Variants in COL6A6 observed in about 807,000 individuals in gnomAD.
The protein encoded by COL6A6 is collagen alpha-6(VI) chain.
Under a neutral mutation model 208.6 loss-of-function variants are expected in COL6A6, and 183 were observed. The ratio of observed to expected loss-of-function variants is 0.88; its 90% CI spans 0.78 to 0.99. The LOEUF is 0.99. COL6A6 is among the 50% of genes least tolerant of loss of function. The pLI, the probability that COL6A6 is intolerant of heterozygous loss-of-function variation, is 0.00. For synonymous variants in COL6A6, 973 were observed against 1,011.8 expected, an observed-to-expected ratio of 0.96 and a Z score of 0.73; for missense variants, 2,816 against 2,815.2, an observed-to-expected ratio of 1.00 and a Z score of -0.01.
chr3:130,639,879 A>T (rs900910593), intron 28 of COL6A6, among the ~76,000 whole-genome samples: 2 of 152,080 alleles, frequency 1.3e-5, no homozygotes, highest in Non-Finnish European at 2.9e-5. Context: ...ACAGTTTCCT[A>T]CCTGGAGAGT....
rs779515324 is a variant in COL6A6 at position 130,568,610 on chromosome 3, C to T, written c.2401+6C>T. Reference sequence around the variant, plus strand: ...AATATGCAGCCCCCGTGAAGGTAGGCATGGGCATACTCACTAGCAGGACTA... The same window carrying T: ...AATATGCAGCCCCCGTGAAGGTAGGTATGGGCATACTCACTAGCAGGACTA... On this transcript the variant is annotated splice_donor_region_variant and intron_variant, in intron 6 of 36. Coordinates refer to ENST00000358511, the MANE Select transcript of COL6A6 (RefSeq NM_001102608.3). The T allele has an allele frequency of 6.3e-7, 1 of 1,588,194 alleles. No individual in the cohort carries two copies. Among genetic ancestry groups the T allele is most frequent in the Admixed American group, 1.7e-5 (1 of 59,210 alleles).
rs1403090279 is a variant in COL6A6, at chr3:130,662,079, G to A, written c.6273G>A (p.Gly2091=). Residue 2091 remains glycine (G), a synonymous_variant, in exon 35 of 37, where the codon GGG becomes GGA. Transcript: ENST00000358511. ...AAGTCATATTTGTGATATCTGCTGG[G>A]GAAACCAGCCACTTAGATGGGGAAA... ...RNKVIFVISA[G]ETSHLDGEIL... 1 of 1,613,994 alleles carries A rather than the reference G, an allele frequency of 6.2e-7. No homozygotes were observed. Among genetic ancestry groups the A allele is most frequent in the Non-Finnish European group, 8.5e-7 (1 of 1,179,884 alleles).
intron 27 of COL6A6, 31 bp from the exon 28 acceptor site, chr3:130,635,668 A>G (rs2065091441): frequency 6.9e-7 from 1 of 1,440,158 alleles, no homozygotes; most frequent in Admixed American, 1.8e-5. Flanking sequence ...TTTGATTTTA[A>G]TAACTATTTT....
chr3:130,645,299 A>G (rs2065435075), intron 32 of COL6A6, among the ~76,000 whole-genome samples: 1 of 152,156 alleles, frequency 6.6e-6, no homozygotes, highest in Non-Finnish European at 1.5e-5. Context: ...GGTTTTAAAA[A>G]TATGTTGGGG....
At chr3:130,640,607 T>C (rs1359650549) in intron 28 of COL6A6, among the ~76,000 whole-genome samples, 2 of 152,248 alleles carry the variant, frequency 1.3e-5, no homozygotes, top group Non-Finnish European at 2.9e-5. Context: ...TTAAACTTCA[T>C]TTTTTATTCC....
intron 24 of COL6A6, among the ~76,000 whole-genome samples, chr3:130,623,671 A>G (rs2059663472): frequency 6.6e-6 from 1 of 152,192 alleles, no homozygotes; most frequent in Non-Finnish European, 1.5e-5. Context: ...TAACCCTATC[A>G]CAGACATAGG....
At chr3:130,580,441 A>C (rs1015475100) in intron 8 of COL6A6, among the ~76,000 whole-genome samples, 1 of 150,232 alleles carries the variant, frequency 6.7e-6, no homozygotes, top group African/African-American at 2.5e-5. Context: ...TTAAAAATCA[A>C]GTTGCCAACA....
intron 26 of COL6A6, among the ~76,000 whole-genome samples, chr3:130,634,211 A>AAAT (rs1254975861): frequency 3.4e-5 from 4 of 116,744 alleles, no homozygotes; most frequent in Admixed American, 2.6e-4. Context: ...TTAAAAAAAA[A>AAAT]AATAAATAAA....
chr3:130,572,701 A>G (rs990527565), intron 7 of COL6A6, among the ~76,000 whole-genome samples: 4 of 152,234 alleles, frequency 2.6e-5, no homozygotes, highest in African/African-American at 9.6e-5. Flanking sequence ...GGACAGAAAA[A>G]CAGTACTAGA....
intron 7 of COL6A6, among the ~76,000 whole-genome samples, chr3:130,571,630 A>G (rs1032951326): frequency 1.3e-5 from 2 of 151,760 alleles, no homozygotes; most frequent in Non-Finnish European, 2.9e-5. Flanking sequence ...TTCTTCCTAA[A>G]CTCTTCTAAT....
At chr3:130,650,577 T>C (rs1268036235) in intron 33 of COL6A6, among the ~76,000 whole-genome samples, 3 of 148,454 alleles carry the variant, frequency 2.0e-5, no homozygotes, top group African/African-American at 7.5e-5. Flanking sequence ...GCCATTGCAC[T>C]CCAGCCTGGG....
intron 20 of COL6A6, among the ~76,000 whole-genome samples, chr3:130,605,929 A>G (rs2064170211): frequency 6.6e-6 from 1 of 152,230 alleles, no homozygotes; most frequent in Admixed American, 6.5e-5. Context: ...CTTCCATGAG[A>G]ACAGTATGAG....
intron 23 of COL6A6, among the ~76,000 whole-genome samples, chr3:130,621,270 A>G (rs892991943): frequency 2.0e-5 from 3 of 152,158 alleles, no homozygotes; most frequent in Non-Finnish European, 2.9e-5. Context: ...GAATTTATTT[A>G]CATTTACTTT....
At chr3:130,544,917 T>A (rs2062456121) in intron 1 of COL6A6, among the ~76,000 whole-genome samples, 1 of 152,206 alleles carries the variant, frequency 6.6e-6, no homozygotes, top group Non-Finnish European at 1.5e-5. Context: ...AAATATTAAC[T>A]CCTTATTAGA....
At chr3:130,638,485 G>A (rs999074329) in intron 28 of COL6A6, among the ~76,000 whole-genome samples, 3 of 152,116 alleles carry the variant, frequency 2.0e-5, no homozygotes, top group African/African-American at 7.2e-5. Context: ...TACTGCAATT[G>A]TCCTTCACCT....
chr3:130,619,655 T>TTAGGCAGGA, intron 23 of COL6A6, among the ~76,000 whole-genome samples: 1 of 152,208 alleles, frequency 6.6e-6, no homozygotes, highest in East Asian at 1.9e-4. Context: ...AGCCAAGAAT[T>TTAGGCAGGA]TAGGCAGGAT....
At chr3:130,656,216 T>C (rs1378273884) in intron 33 of COL6A6, among the ~76,000 whole-genome samples, 1 of 152,258 alleles carries the variant, frequency 6.6e-6, no homozygotes, top group Non-Finnish European at 1.5e-5. Flanking sequence ...GCCCTGTGTG[T>C]GTTACAGCTG....
At chr3:130,536,872 T>G (rs1238717143) in intron 1 of COL6A6, among the ~76,000 whole-genome samples, 34 of 152,092 alleles carry the variant, frequency 2.2e-4, no homozygotes, top group Admixed American at 2.2e-3. Context: ...AAGCAAGGAG[T>G]CCAATTAGAA....
At chr3:130,579,157 G>A (rs1175049760) in intron 8 of COL6A6, among the ~76,000 whole-genome samples, 1 of 152,016 alleles carries the variant, frequency 6.6e-6, no homozygotes, top group Non-Finnish European at 1.5e-5. Context: ...TCTTACAAAT[G>A]TACCCTAGCC....
Sources: allele counts gnomAD v4.1 joint callset (sites outside exome capture counted in the v4.1 genomes callset), GRCh38; gene constraint gnomAD v4.1.1; transcripts MANE v1.5; gene names NCBI Gene and HGNC (gene_info 2026-07-23, HGNC 2026-07-21).